Variants in CTNNA2 observed in about 807,000 individuals in gnomAD.
CTNNA2 encodes the protein catenin alpha 2, also known as catenin alpha-2.
A neutral mutation model predicts 101.0 loss-of-function variants in CTNNA2; 42 were observed. The observed-to-expected ratio is 0.42, with a 90% CI of 0.32 to 0.54. CTNNA2 has a LOEUF of 0.54. Ranked by LOEUF, CTNNA2 falls within the 20% of genes least tolerant of loss-of-function variation. The pLI is 0.14. For synonymous variants in CTNNA2, 450 were observed against 456.4 expected, an observed-to-expected ratio of 0.99 and a Z score of 0.18; for missense variants, 871 against 1,223.1, an observed-to-expected ratio of 0.71 and a Z score of 4.29.
chr2:80,417,525 T>G (rs1014821738), intron 8 of CTNNA2, among the ~76,000 whole-genome samples: 1 of 151,960 alleles, frequency 6.6e-6, no homozygotes, highest in African/African-American at 2.4e-5. Context: ...TTTGAAACTT[T>G]TCTTATTTTA....
At chr2:79,529,595 A>G (rs1319343967) in intron 1 of CTNNA2, among the ~76,000 whole-genome samples, 1 of 152,070 alleles carries the variant, frequency 6.6e-6, no homozygotes, top group Non-Finnish European at 1.5e-5. Context: ...ACCACTGCTT[A>G]AGTGACAAAT....
chr2:79,986,602 A>G (rs1691781479), intron 7 of CTNNA2, among the ~76,000 whole-genome samples: 3 of 152,054 alleles, frequency 2.0e-5, no homozygotes, highest in Admixed American at 2.0e-4. Flanking sequence ...GGGCTAACTT[A>G]CCACTTACAC....
chr2:79,192,425 T>A, intron 1 of CTNNA2, among the ~76,000 whole-genome samples: 1 of 152,140 alleles, frequency 6.6e-6, no homozygotes, highest in East Asian at 1.9e-4. Flanking sequence ...TGAAAGCAGT[T>A]AAACTACATC....
At chr2:79,676,495 C>T (rs993579322) in intron 2 of CTNNA2, among the ~76,000 whole-genome samples, 2 of 152,138 alleles carry the variant, frequency 1.3e-5, no homozygotes, top group African/African-American at 4.8e-5. Flanking sequence ...TCATGGAGCA[C>T]ATGTATATCC....
chr2:80,268,706 G>A (rs1673210191), intron 7 of CTNNA2, among the ~76,000 whole-genome samples: 1 of 152,110 alleles, frequency 6.6e-6, no homozygotes, highest in African/African-American at 2.4e-5. Context: ...AGTCCTATTA[G>A]GTGTATTTAT....
At chr2:79,218,766 T>C (rs1674302684) in intron 2 of CTNNA2, among the ~76,000 whole-genome samples, 1 of 152,186 alleles carries the variant, frequency 6.6e-6, no homozygotes, top group Non-Finnish European at 1.5e-5. Context: ...ATTATGAGTG[T>C]ATTCTGCTTT....
At chr2:79,750,422 GAGA>G (rs759227826) in intron 3 of CTNNA2, among the ~76,000 whole-genome samples, 6 of 152,176 alleles carry the variant, frequency 3.9e-5, no homozygotes, top group African/African-American at 9.7e-5. Flanking sequence ...CAGCCAATTT[GAGA>G]AGAAGTGGAC....
At chr2:79,629,955 C>A (rs1191474123) in intron 1 of CTNNA2, among the ~76,000 whole-genome samples, 1 of 152,116 alleles carries the variant, frequency 6.6e-6, no homozygotes, top group Non-Finnish European at 1.5e-5. Flanking sequence ...TCAAAGCAGC[C>A]AGCTCCTTTC....
Position 80,647,941 on chromosome 2 carries a change from T to C in CTNNA2, c.*69T>C. The C allele has an allele frequency of 3.5e-6, 5 of 1,447,712 alleles. No homozygotes were observed. The highest frequency in any genetic ancestry group is 4.6e-6 in the Non-Finnish European group (5 of 1,075,334). The allele number at this position is 1,447,712 out of a possible 1,614,324, so 89.7% of individuals were successfully genotyped here. A position where few individuals can be genotyped will look rare whatever the true frequency, so the allele number is the denominator to read the frequency against. On this transcript the variant is annotated 3_prime_UTR_variant, in exon 19 of 19. Coordinates refer to ENST00000402739, the MANE Select transcript of CTNNA2 (RefSeq NM_001282597.3). ...TTTCTTTTTCTTTTTAATTCCATTT[T>C]TGTATGCATACCTGCCAGCTCGTAT...
At chr2:80,373,818 A>G (rs1466903918) in intron 7 of CTNNA2, among the ~76,000 whole-genome samples, 1 of 152,114 alleles carries the variant, frequency 6.6e-6, no homozygotes, top group Non-Finnish European at 1.5e-5. Flanking sequence ...TATTCAGACA[A>G]ACTGATTGAC....
At chr2:79,676,219 T>C (rs1683174224) in intron 2 of CTNNA2, among the ~76,000 whole-genome samples, 2 of 152,178 alleles carry the variant, frequency 1.3e-5, no homozygotes, top group Admixed American at 6.5e-5. Flanking sequence ...TGAGTTCAAA[T>C]ATTGGAAACT....
intron 4 of CTNNA2, among the ~76,000 whole-genome samples, chr2:79,440,849 C>T (rs1678769809): frequency 6.6e-6 from 1 of 152,182 alleles, no homozygotes; most frequent in Non-Finnish European, 1.5e-5. Flanking sequence ...AAAGCATAGT[C>T]AATTGTCCCT....
intron 7 of CTNNA2, among the ~76,000 whole-genome samples, chr2:79,950,255 T>C (rs1398313382): frequency 6.6e-6 from 1 of 152,162 alleles, no homozygotes; most frequent in Non-Finnish European, 1.5e-5. Flanking sequence ...AAACCACACC[T>C]GCAAATATTT....
At chr2:79,599,757 TAAAAAA>T (rs1362703190) in intron 1 of CTNNA2, among the ~76,000 whole-genome samples, 2 of 152,222 alleles carry the variant, frequency 1.3e-5, no homozygotes, top group Admixed American at 1.3e-4. Context: ...CAAAAACGTT[TAAAAAA>T]TTTCTTTAAA....
chr2:79,768,372 G>C (rs897213362), intron 3 of CTNNA2, among the ~76,000 whole-genome samples: 2 of 151,090 alleles, frequency 1.3e-5, no homozygotes, highest in Non-Finnish European at 3.0e-5. Flanking sequence ...GCCTCTTTCA[G>C]TGATACCGTG....
At chr2:79,490,071 A>G (rs1208833071) in intron 4 of CTNNA2, among the ~76,000 whole-genome samples, 1 of 152,178 alleles carries the variant, frequency 6.6e-6, no homozygotes, top group Non-Finnish European at 1.5e-5. Flanking sequence ...AATTTCATCA[A>G]TAAAATATTC....
At chr2:80,306,411 T>TCTTTCTTA (rs1676988562) in intron 7 of CTNNA2, among the ~76,000 whole-genome samples, 2 of 134,114 alleles carry the variant, frequency 1.5e-5, no homozygotes, top group South Asian at 4.8e-4. Context: ...TTTCTTTCTT[T>TCTTTCTTA]CTTTCTTTCT....
chr2:79,289,297 T>C (rs914579343), intron 2 of CTNNA2, among the ~76,000 whole-genome samples: 1 of 152,210 alleles, frequency 6.6e-6, no homozygotes, highest in African/African-American at 2.4e-5. Flanking sequence ...TGTTTTGTTT[T>C]GTTTTGTTTC....
chr2:80,578,342 C>A (rs574095868), intron 13 of CTNNA2, among the ~76,000 whole-genome samples: 1 of 152,172 alleles, frequency 6.6e-6, no homozygotes, highest in Non-Finnish European at 1.5e-5. Flanking sequence ...CTCTATCCTC[C>A]AGTACAGCGA....
Sources: allele counts gnomAD v4.1 joint callset (sites outside exome capture counted in the v4.1 genomes callset), GRCh38; gene constraint gnomAD v4.1.1; transcripts MANE v1.5; gene names NCBI Gene and HGNC (gene_info 2026-07-23, HGNC 2026-07-21).